CA5B: variants seen among roughly 807,000 people sequenced by gnomAD.
The protein encoded by CA5B is carbonic anhydrase 5B, mitochondrial.
Under a neutral mutation model 23.1 loss-of-function variants are expected in CA5B, and 15 were observed. The observed-to-expected ratio is 0.65, with a 90% confidence interval of 0.43 to 1.00. CA5B has a LOEUF of 1.00. CA5B is among the 50% of genes least tolerant of loss of function. The pLI is 0.00. For synonymous variants in CA5B, 84 were observed against 98.5 expected (o/e 0.85, Z 0.87); for missense variants, 236 against 252.2 (o/e 0.94, Z 0.43).
intron 1 of CA5B, chrX:15,745,493 AATG>A (rs1411048041): frequency 4.4e-5 from 5 of 112,720 alleles, no homozygotes; most frequent in African/African-American, 1.6e-4. Context: ...AGCTGGTTAA[AATG>A]ATAACTATTA....
At chrX:15,762,972 A>T in intron 2 of CA5B, 1 of 324,362 alleles carries the variant, frequency 3.1e-6, no homozygotes. Flanking sequence ...ACTCTGGAAG[A>T]AAATCAGCAT....
intron 3 of CA5B, among the ~76,000 whole-genome samples, chrX:15,767,615 T>C (rs1182039233): frequency 9.2e-6 from 1 of 108,624 alleles, no homozygotes; most frequent in Admixed American, 9.9e-5. Flanking sequence ...TAAGACGGAG[T>C]TTTGCTCTTG....
At chrX:15,764,470 C>A in intron 2 of CA5B, 108 bp from the exon 3 acceptor site, 7 of 1,122,399 alleles carry the variant, frequency 6.2e-6, no homozygotes, top group Non-Finnish European at 8.4e-6. Flanking sequence ...AAACTTCTGG[C>A]CTCAAGTGAT....
chrX:15,780,338 T>C (rs1931999405), intron 7 of CA5B, among the ~76,000 whole-genome samples: 1 of 109,171 alleles, frequency 9.2e-6, no homozygotes, highest in African/African-American at 3.3e-5. Context: ...AGTGGCACGA[T>C]CTCGGCTCAC....
chrX:15,748,708 AC>A (rs565940460), intron 1 of CA5B, among the ~76,000 whole-genome samples: 3,998 of 58,140 alleles, frequency 0.069, 130 homozygotes, highest in African/African-American at 0.17. Flanking sequence ...TATAGTGAGA[AC>A]CCCCCCCCCC....
chrX:15,740,284 G>A (rs1438058613), intron 1 of CA5B, among the ~76,000 whole-genome samples: 1 of 112,257 alleles, frequency 8.9e-6, no homozygotes. Context: ...ATACAGTAAT[G>A]TATGGTATTA....
intron 2 of CA5B, among the ~76,000 whole-genome samples, chrX:15,755,761 C>T (rs931037577): frequency 8.9e-6 from 1 of 112,045 alleles, no homozygotes; most frequent in African/African-American, 3.2e-5. Flanking sequence ...CATAGCAACA[C>T]CCCATCTCTA....
rs1268920225 is a variant in CA5B at position 15,787,633 on chromosome X, A to C, written c.*4969A>C. The C allele has an allele frequency of 8.9e-6, 1 of 112,562 alleles. No homozygotes were observed. The highest frequency in any genetic ancestry group is 3.2e-5 in the African/African-American group (1 of 31,003). The allele number at this position is 112,562 out of a possible 1,213,427, so 9.3% of individuals were successfully genotyped here. ...ATAAATGTCTAACTCCTATAAAAGG[A>C]AATTTACATTCATTTCTAACTCACT... On this transcript the variant is annotated 3_prime_UTR_variant, in exon 8 of 8. Coordinates refer to ENST00000318636, the MANE Select transcript of CA5B (RefSeq NM_007220.4).
intron 2 of CA5B, among the ~76,000 whole-genome samples, chrX:15,763,475 C>T (rs1408403862): frequency 2.7e-5 from 3 of 112,246 alleles, no homozygotes; most frequent in Non-Finnish European, 5.6e-5. Flanking sequence ...ACTGATTGCA[C>T]TTGGTTTAGG....
At chrX:15,754,379 G>A (rs1279043851) in intron 2 of CA5B, among the ~76,000 whole-genome samples, 2 of 112,635 alleles carry the variant, frequency 1.8e-5, no homozygotes, top group Non-Finnish European at 3.8e-5. Flanking sequence ...TTAAGAGGAG[G>A]CAAAGCAAAA....
intron 2 of CA5B, among the ~76,000 whole-genome samples, chrX:15,757,423 G>A (rs1310797154): frequency 2.7e-5 from 3 of 111,733 alleles, no homozygotes; most frequent in Non-Finnish European, 3.8e-5. Flanking sequence ...GGCTGAGGCA[G>A]GAGAATCGCT....
intron 2 of CA5B, among the ~76,000 whole-genome samples, chrX:15,757,146 C>G (rs945693577): frequency 9.1e-6 from 1 of 109,983 alleles, no homozygotes; most frequent in African/African-American, 3.3e-5. Context: ...GAGGCCAAGG[C>G]GGGTGGATCA....
At chrX:15,750,219 G>T (rs1227788474) in intron 2 of CA5B, 54 bp downstream of exon 2, 2 of 954,322 alleles carry the variant, frequency 2.1e-6, no homozygotes, top group East Asian at 6.2e-5. Context: ...CTGAGTGACA[G>T]AGTGAAATCT....
chrX:15,766,034 G>A (rs1056034691), intron 3 of CA5B, among the ~76,000 whole-genome samples: 1 of 107,239 alleles, frequency 9.3e-6, no homozygotes, highest in Non-Finnish European at 1.9e-5. Context: ...GCGCATGCCT[G>A]TAATCCCAGC....
At chrX:15,776,338 CAAAAAAAAAAAAAA>C (rs1204466142) in intron 6 of CA5B, among the ~76,000 whole-genome samples, 1 of 43,676 alleles carries the variant, frequency 2.3e-5, no homozygotes, top group Admixed American at 2.9e-4. Context: ...GACTCTGTCT[CAAAAAAAAAAAAAA>C]AAAAAGAAAA....
At chrX:15,749,616 G>A (rs943185584) in intron 1 of CA5B, among the ~76,000 whole-genome samples, 1 of 110,480 alleles carries the variant, frequency 9.1e-6, no homozygotes, top group Admixed American at 9.7e-5. Flanking sequence ...ATACCATGCT[G>A]GATAATTAAT....
intron 1 of CA5B, among the ~76,000 whole-genome samples, chrX:15,746,589 A>G (rs747144999): frequency 5.4e-5 from 6 of 111,733 alleles, no homozygotes; most frequent in African/African-American, 1.6e-4. Context: ...GGGGAATTGC[A>G]ATGGAGAAAG....
intron 2 of CA5B, among the ~76,000 whole-genome samples, chrX:15,760,096 C>T (rs961549095): frequency 1.8e-4 from 20 of 110,156 alleles, no homozygotes; most frequent in Non-Finnish European, 3.6e-4. Context: ...GCATAAACCA[C>T]AGTTGATAAA....
At chrX:15,760,558 G>A (rs968103368) in intron 2 of CA5B, among the ~76,000 whole-genome samples, 10 of 111,790 alleles carry the variant, frequency 8.9e-5, no homozygotes, top group African/African-American at 2.6e-4. Flanking sequence ...ATGAGTGTGA[G>A]TGTTGATACT....
Sources: gnomAD v4.1 joint callset for allele counts (sites outside exome capture counted in the v4.1 genomes callset) on GRCh38, gnomAD v4.1.1 for gene constraint, MANE v1.5 for transcripts, NCBI Gene and HGNC (gene_info 2026-07-23, HGNC 2026-07-21) for gene names.